CAMK2D: variants seen among roughly 807,000 people sequenced by gnomAD.
CAMK2D encodes the protein calcium/calmodulin dependent protein kinase II delta.
A neutral mutation model predicts 84.0 loss-of-function variants in CAMK2D; 37 were observed. The observed-to-expected ratio is 0.44, with a 90% CI of 0.34 to 0.58. The LOEUF is 0.58. Among genes scored for constraint, CAMK2D ranks in the 20% least tolerant of loss-of-function variants. The pLI, the probability that CAMK2D is intolerant of heterozygous loss-of-function variation, is 0.02. For synonymous variants in CAMK2D, 202 were observed against 212.5 expected (o/e 0.95, Z 0.43); for missense variants, 448 against 652.5 (o/e 0.69, Z 3.41).
chr4:113,624,776 T>C (rs543311877), intron 3 of CAMK2D, among the ~76,000 whole-genome samples: 7 of 152,328 alleles, frequency 4.6e-5, no homozygotes, highest in African/African-American at 1.7e-4. Flanking sequence ...AAATCATCTC[T>C]GGTGAATGAT....
intron 4 of CAMK2D, among the ~76,000 whole-genome samples, chr4:113,561,347 G>A (rs1591259563): frequency 6.6e-6 from 1 of 152,156 alleles, no homozygotes; most frequent in Non-Finnish European, 1.5e-5. Flanking sequence ...GCCTGGGCAT[G>A]CCTGTAATCT....
rs2099578330 is a variant in CAMK2D at position 113,735,288 on chromosome 4, G to GAAAAAAA, written c.160+24031_160+24032insTTTTTTT. 3.4e-5 allele frequency among the ~76,000 whole-genome samples: 2 copies of GAAAAAAA among 58,958 alleles called. 1 individual carries two copies. Among genetic ancestry groups the GAAAAAAA allele is most frequent in the African/African-American group, 1.2e-4 (2 of 17,244 alleles). The allele number at this position is 58,958 out of a possible 152,430, so 38.7% of individuals were successfully genotyped here. On this transcript the variant is annotated intron_variant, in intron 2 of 20. Transcript: ENST00000511664. ...CCAACATGGCAAAACCATCTCTACAGGAAAAAAAAAAAAAAAAAAAAAAAA... is the reference window on the plus strand; with the variant it reads ...CCAACATGGCAAAACCATCTCTACAGAAAAAAAGAAAAAAAAAAAAAAAAAAAAAAAA...
Position 113,761,612 on chromosome 4 carries a change from C to G in CAMK2D, c.-544G>C. 1.0e-6 allele frequency: 1 copy of G among 985,108 alleles called. No homozygotes were observed. Among genetic ancestry groups the G allele is most frequent in the Non-Finnish European group, 1.2e-6 (1 of 829,832 alleles). 61.0% of individuals were successfully genotyped at this position (985,108 alleles called of 1,614,324 possible). A position where few individuals can be genotyped will look rare whatever the true frequency, so the allele number is the denominator to read the frequency against. ...GGCGCGGGGCGCGCCGGGGCTCCGA[C>G]GAGCGTGCGCGCCCGAGGCCGGCTT... On this transcript the variant is annotated 5_prime_UTR_variant, in exon 1 of 21. Coordinates refer to ENST00000511664, the MANE Select transcript of CAMK2D (RefSeq NM_001321571.2).
At chr4:113,572,161 T>C (rs1172487487) in intron 4 of CAMK2D, among the ~76,000 whole-genome samples, 1 of 152,204 alleles carries the variant, frequency 6.6e-6, no homozygotes, top group Non-Finnish European at 1.5e-5. Flanking sequence ...TCTTCCTTTC[T>C]ACAGGATACC....
At position 113,677,620 on chromosome 4, in the gene CAMK2D, G is replaced by A. The variant is rs2099324019; in HGVS notation, c.161-15848C>T. 3 of 765,774 alleles carry A rather than the reference G, an allele frequency of 3.9e-6. No individual in the cohort carries two copies. The South Asian group carries it at 1.8e-4, about 45-fold the overall frequency. The allele number at this position is 765,774 out of a possible 1,614,324, so 47.4% of individuals were successfully genotyped here. On this transcript the variant is annotated intron_variant, in intron 2 of 20. Coordinates refer to ENST00000511664, the MANE Select transcript of CAMK2D (RefSeq NM_001321571.2). The stretch of plus-strand genomic sequence containing the variant: ...CGATGCAATACCATCTAAATAAGAA[G>A]GCCCATGTCAGTAGTGGCCCTTGGA...
At chr4:113,494,882 C>T (rs141359190) in intron 16 of CAMK2D, among the ~76,000 whole-genome samples, 52 of 152,252 alleles carry the variant, frequency 3.4e-4, no homozygotes, top group South Asian at 6.2e-4. Context: ...CGCAGTATTC[C>T]GGTAGGAGTG....
intron 2 of CAMK2D, among the ~76,000 whole-genome samples, chr4:113,733,761 T>C (rs1175301218): frequency 6.6e-6 from 1 of 152,206 alleles, no homozygotes; most frequent in Non-Finnish European, 1.5e-5. Flanking sequence ...GCTTTTAAAC[T>C]GTGAAATTAC....
chr4:113,649,532 A>G (rs1032012948), intron 3 of CAMK2D, among the ~76,000 whole-genome samples: 10 of 152,176 alleles, frequency 6.6e-5, no homozygotes, highest in African/African-American at 2.2e-4. Flanking sequence ...CTTTATGGCA[A>G]AATTCTGTTC....
At chr4:113,468,137 G>A (rs902283746) in intron 16 of CAMK2D, among the ~76,000 whole-genome samples, 1 of 152,060 alleles carries the variant, frequency 6.6e-6, no homozygotes, top group Non-Finnish European at 1.5e-5. Flanking sequence ...TGCCTCACAA[G>A]CATAATATGG....
chr4:113,719,680 G>T lies in CAMK2D; in HGVS notation c.160+39640C>A, dbSNP rs150079976. ...TCTAAAAATTTAAGGCCCCCTTGGG[G>T]GATGGGGAAGGAAGAAACCTCTAAG... On this transcript the variant is annotated intron_variant, in intron 2 of 20. Transcript: ENST00000511664. 5.8e-4 allele frequency among the ~76,000 whole-genome samples: 89 copies of T among 152,294 alleles called. 1 individual carries two copies. In the East Asian group the frequency reaches 0.016, roughly 27 times the overall value.
At chr4:113,458,591 T>C (rs1260681581) in intron 18 of CAMK2D, among the ~76,000 whole-genome samples, 1 of 152,172 alleles carries the variant, frequency 6.6e-6, no homozygotes, top group Non-Finnish European at 1.5e-5. Flanking sequence ...AGAGAGTTAG[T>C]TGGAGGAAAC....
chr4:113,621,457 T>C (rs1168094525), intron 3 of CAMK2D, among the ~76,000 whole-genome samples: 1 of 152,126 alleles, frequency 6.6e-6, no homozygotes, highest in African/African-American at 2.4e-5. Context: ...CCTTCAACCC[T>C]GAACAAAAAA....
At chr4:113,565,537 G>C (rs1176232537) in intron 4 of CAMK2D, among the ~76,000 whole-genome samples, 2 of 151,724 alleles carry the variant, frequency 1.3e-5, no homozygotes, top group East Asian at 3.9e-4. Flanking sequence ...GGTAATCCCA[G>C]CTACTCAGGA....
Position 113,457,410 on chromosome 4 carries a change from C to G in CAMK2D, c.1460G>C (p.Arg487Pro). The G allele has an allele frequency of 6.2e-7, 1 of 1,613,854 alleles. No homozygotes were observed. Among genetic ancestry groups the G allele is most frequent in the Non-Finnish European group, 8.5e-7 (1 of 1,179,806 alleles). ...CTTTCCATCCCGGCGGTGCCACACA[C>G]GAGTCTCTTCTGACTGCATTGTCTT... is the stretch of plus-strand genomic sequence containing the variant. ...MPKTMQSEET[R>P]VWHRRDGKWQ... The change falls in exon 19 of 21, where the codon CGT becomes CCT. Residue 487 changes from arginine to proline, a missense_variant. Arg to Pro is a moderately radical substitution (Grantham distance 103, BLOSUM62 -2). Around this residue, in one of 7 missense-constraint regions of CAMK2D, gnomAD observed 219 missense variants for 272.1 expected, o/e 0.80. Coordinates refer to ENST00000511664, the MANE Select transcript of CAMK2D (RefSeq NM_001321571.2).
intron 6 of CAMK2D, among the ~76,000 whole-genome samples, chr4:113,546,086 T>A (rs965409016): frequency 6.6e-6 from 1 of 152,214 alleles, no homozygotes; most frequent in African/African-American, 2.4e-5. Context: ...AGGATTCACA[T>A]TTTTTAATAC....
intron 8 of CAMK2D, among the ~76,000 whole-genome samples, chr4:113,529,118 T>A (rs2154181025): frequency 6.6e-6 from 1 of 152,186 alleles, no homozygotes; most frequent in South Asian, 2.1e-4. Flanking sequence ...AGAAACCAAC[T>A]CAGATATATT....
chr4:113,534,318 C>T (rs1379620999), intron 7 of CAMK2D, among the ~76,000 whole-genome samples: 5 of 151,980 alleles, frequency 3.3e-5, no homozygotes, highest in Non-Finnish European at 5.9e-5. Context: ...CATGAAGATT[C>T]GCTTGAACTT....
intron 2 of CAMK2D, among the ~76,000 whole-genome samples, chr4:113,758,514 T>C (rs1375749454): frequency 1.3e-5 from 2 of 152,178 alleles, no homozygotes; most frequent in Non-Finnish European, 2.9e-5. Flanking sequence ...CTATGGTATT[T>C]TGTTCATTTT....
At position 113,659,114 on chromosome 4, in the gene CAMK2D, T is replaced by G. The variant is rs555534723; in HGVS notation, c.220+2599A>C. On this transcript the variant is annotated intron_variant, in intron 3 of 20. Coordinates refer to ENST00000511664, the MANE Select transcript of CAMK2D (RefSeq NM_001321571.2). ...AAGAGTTCTTGTTTTAGCTTGGCAG[T>G]TTTTCGAGTGTTTGACTTTGGTATC... Among the ~76,000 whole-genome samples the G allele has an allele frequency of 2.7e-4, 41 of 152,266 alleles. No homozygotes were observed. The South Asian group carries it at 7.5e-3, about 28-fold the overall frequency.
Sources: allele counts gnomAD v4.1 joint callset (sites outside exome capture counted in the v4.1 genomes callset), GRCh38; gene constraint gnomAD v4.1.1; regional missense constraint gnomAD v4.1.1; transcripts MANE v1.5; gene names NCBI Gene and HGNC (gene_info 2026-07-23, HGNC 2026-07-21).